Variants in KIAA1217 observed in about 807,000 individuals in gnomAD.
KIAA1217 encodes KIAA1217, also known as sickle tail protein homolog.
Under a neutral mutation model 163.9 loss-of-function variants are expected in KIAA1217, and 88 were observed. That is an observed-to-expected ratio of 0.54 (90% CI 0.45 to 0.64). The LOEUF (loss-of-function observed/expected upper bound fraction) is 0.64, where lower values mean the gene tolerates loss of function less well. Among genes scored for constraint, KIAA1217 ranks in the 30% least tolerant of loss-of-function variants. KIAA1217 has a pLI of 0.00. For missense variants in KIAA1217, 2,372 were observed against 2,475.0 expected (o/e 0.96, Z 0.88); for synonymous variants, 903 against 923.1 (o/e 0.98, Z 0.39).
chr10:24,272,906 A>C (rs2076909345), intron 2 of KIAA1217, among the ~76,000 whole-genome samples: 1 of 152,216 alleles, frequency 6.6e-6, no homozygotes, highest in Non-Finnish European at 1.5e-5. Context: ...AACGTGGAAT[A>C]GCATCCACCC....
At chr10:24,159,057 T>A (rs2065003773) in intron 2 of KIAA1217, among the ~76,000 whole-genome samples, 1 of 152,236 alleles carries the variant, frequency 6.6e-6, no homozygotes, top group Non-Finnish European at 1.5e-5. Context: ...AACTCAGCAT[T>A]GATTATTGTA....
intron 9 of KIAA1217, among the ~76,000 whole-genome samples, chr10:24,505,767 A>G (rs2068259933): frequency 6.6e-6 from 1 of 152,154 alleles, no homozygotes; most frequent in Non-Finnish European, 1.5e-5. Context: ...CCTTCCCAAG[A>G]GAAGGAGGAG....
At chr10:24,325,727 G>T (rs775766031) in intron 2 of KIAA1217, among the ~76,000 whole-genome samples, 6 of 152,166 alleles carry the variant, frequency 3.9e-5, no homozygotes, top group Non-Finnish European at 8.8e-5. Flanking sequence ...GGTATGTAAT[G>T]GGGTGGAAGT....
rs189446976 is a variant in KIAA1217, at chr10:23,914,709, C to T, written c.-320-92516C>T. Among the ~76,000 whole-genome samples the T allele has an allele frequency of 2.4e-3, 369 of 152,304 alleles. 2 individuals are homozygous for T. The highest frequency in any genetic ancestry group is 8.6e-3 in the African/African-American group (358 of 41,558). ...TAGTGATCCTCCCTCCCCTCTTTCACTCCAGCCCAGGTTTAAGAACAGTGT... is the reference window on the plus strand; with the variant it reads ...TAGTGATCCTCCCTCCCCTCTTTCATTCCAGCCCAGGTTTAAGAACAGTGT... On this transcript the variant is annotated intron_variant, in intron 1 of 18. Coordinates refer to the KIAA1217 transcript ENST00000376462.
chr10:24,125,363 T>TGTGA (rs58201246), intron 2 of KIAA1217, among the ~76,000 whole-genome samples: 3 of 147,300 alleles, frequency 2.0e-5, no homozygotes, highest in Admixed American at 1.4e-4. Flanking sequence ...TGTGTGTGTG[T>TGTGA]GAATAGGCTT....
chr10:23,727,005 TG>T (rs1400182090), intron 1 of KIAA1217, among the ~76,000 whole-genome samples: 1 of 132,754 alleles, frequency 7.5e-6, no homozygotes, highest in African/African-American at 3.3e-5. Context: ...TTTTTTTTTT[TG>T]AGACAGAGTC....
intron 2 of KIAA1217, among the ~76,000 whole-genome samples, chr10:24,020,194 G>A (rs559295737): frequency 2.6e-4 from 40 of 152,236 alleles, no homozygotes; most frequent in African/African-American, 8.4e-4. Flanking sequence ...ATAGTAGTCC[G>A]TGACTTTCAT....
intron 2 of KIAA1217, among the ~76,000 whole-genome samples, chr10:24,065,313 A>T (rs1456249253): frequency 6.6e-6 from 1 of 151,742 alleles, no homozygotes; most frequent in African/African-American, 2.4e-5. Flanking sequence ...CACTGCTTTG[A>T]ATGTGTCCCA....
rs71397953 is a variant in KIAA1217 at position 24,501,729 on chromosome 10, C to CTTTTTTTTTTTTTTTT, written c.2001+206_2001+221dup. Among the ~76,000 whole-genome samples the CTTTTTTTTTTTTTTTT allele has an allele frequency of 9.7e-5, 5 of 51,472 alleles. 1 individual carries two copies. The highest frequency in any genetic ancestry group is 5.6e-4 in the Admixed American group (2 of 3,578). The allele number at this position is 51,472 out of a possible 152,430, so 33.8% of individuals were successfully genotyped here. On this transcript the variant is annotated intron_variant, in intron 9 of 20. Transcript: ENST00000376454. ...AACTATAGTCAATCTATAACCACTT[C>CTTTTTTTTTTTTTTTT]TTTTTTTTTTTTTTTTTTTTTTTTT...
intron 1 of KIAA1217, among the ~76,000 whole-genome samples, chr10:23,727,113 G>A (rs922204052): frequency 1.3e-5 from 2 of 149,890 alleles, no homozygotes; most frequent in Admixed American, 1.3e-4. Flanking sequence ...TCAGCCTCCT[G>A]AGTAGCTGGG....
chr10:23,990,134 G>T (rs1296735694), intron 1 of KIAA1217, among the ~76,000 whole-genome samples: 1 of 152,324 alleles, frequency 6.6e-6, no homozygotes, highest in East Asian at 1.9e-4. Context: ...GGAGTTGGGT[G>T]TGTTGCAAAA....
intron 11 of KIAA1217, among the ~76,000 whole-genome samples, chr10:24,520,570 C>G (rs2070944497): frequency 7.0e-6 from 1 of 142,336 alleles, no homozygotes; most frequent in Non-Finnish European, 1.5e-5. Context: ...GGGAGGATCA[C>G]TTGATCCCAG....
chr10:23,905,264 A>G (rs112036082), intron 1 of KIAA1217, among the ~76,000 whole-genome samples: 2,279 of 151,308 alleles, frequency 0.015, 60 homozygotes, highest in African/African-American at 0.052. Flanking sequence ...CACATGCACT[A>G]TCTCTTGAGA....
At chr10:24,014,669 A>T (rs908882336) in intron 2 of KIAA1217, among the ~76,000 whole-genome samples, 4 of 152,204 alleles carry the variant, frequency 2.6e-5, no homozygotes, top group African/African-American at 4.8e-5. Context: ...TAGAAATCTC[A>T]AGTCTGATGG....
intron 1 of KIAA1217, among the ~76,000 whole-genome samples, chr10:23,904,461 G>T (rs992367002): frequency 6.6e-6 from 1 of 152,118 alleles, no homozygotes; most frequent in Admixed American, 6.6e-5. Flanking sequence ...AATATTTTTG[G>T]TTTGACACAA....
chr10:23,917,667 G>A (rs1842683101), intron 1 of KIAA1217, among the ~76,000 whole-genome samples: 1 of 152,202 alleles, frequency 6.6e-6, no homozygotes, highest in African/African-American at 2.4e-5. Context: ...AAAAGAGTCA[G>A]CCAGAGAGTT....
At chr10:24,438,359 C>T in intron 4 of KIAA1217, 27 bp from the exon 5 acceptor site, 1 of 1,520,780 alleles carries the variant, frequency 6.6e-7, no homozygotes, top group South Asian at 1.1e-5. Context: ...TTTCATCTGC[C>T]ATAGTTATCG....
At chr10:24,365,243 G>A (rs994208827) in intron 2 of KIAA1217, among the ~76,000 whole-genome samples, 1 of 152,076 alleles carries the variant, frequency 6.6e-6, no homozygotes, top group African/African-American at 2.4e-5. Context: ...GAGTGGTTGA[G>A]GTCTCTTTGT....
At chr10:24,101,346 T>C (rs1253489184) in intron 2 of KIAA1217, among the ~76,000 whole-genome samples, 4 of 152,144 alleles carry the variant, frequency 2.6e-5, no homozygotes, top group Non-Finnish European at 4.4e-5. Flanking sequence ...AAATTATTCA[T>C]AAAATTGTCT....
Sources: gnomAD v4.1 joint callset for allele counts (sites outside exome capture counted in the v4.1 genomes callset) on GRCh38, gnomAD v4.1.1 for gene constraint, MANE v1.5 for transcripts, NCBI Gene and HGNC (gene_info 2026-07-23, HGNC 2026-07-21) for gene names.